The following GOLGA4 variants were observed in gnomAD, a reference collection of about 807,000 sequenced individuals.
GOLGA4 encodes golgin A4, also known as golgin subfamily A member 4.
A neutral mutation model predicts 265.9 loss-of-function variants in GOLGA4; 169 were observed. The observed-to-expected ratio is 0.64, with a 90% CI of 0.56 to 0.72. The LOEUF (loss-of-function observed/expected upper bound fraction) is 0.72, where lower values mean the gene tolerates loss of function less well. GOLGA4 is among the 30% of genes least tolerant of loss of function. The pLI is 0.00. For synonymous variants in GOLGA4, 923 were observed against 855.8 expected, an observed-to-expected ratio of 1.08 and a Z score of -1.37; for missense variants, 2,482 against 2,483.4, an observed-to-expected ratio of 1.00 and a Z score of 0.01.
chr3:37,342,360 T>A (rs1210720378), intron 20 of GOLGA4, among the ~76,000 whole-genome samples: 2 of 151,630 alleles, frequency 1.3e-5, no homozygotes, highest in African/African-American at 4.8e-5. Context: ...AAATAAAGAG[T>A]AAATTGAGCA....
intron 1 of GOLGA4, chr3:37,245,529 T>C (rs1402380323): frequency 6.6e-6 from 1 of 152,198 alleles, no homozygotes; most frequent in African/African-American, 2.4e-5. Context: ...TGCTGGTGAA[T>C]TATTGAGTGT....
chr3:37,261,004 C>CAA (rs11348079), intron 2 of GOLGA4, among the ~76,000 whole-genome samples: 6 of 134,482 alleles, frequency 4.5e-5, no homozygotes, highest in Non-Finnish European at 6.4e-5. Flanking sequence ...CTGTCTCTAC[C>CAA]AAAAAAAAAA....
chr3:37,302,217 G>T lies in GOLGA4; in HGVS notation c.1119G>T (p.Met373Ile), dbSNP rs966603099. The change falls in exon 10 of 24, where the codon ATG (methionine) becomes ATT (isoleucine). Residue 373 changes from methionine to isoleucine, a missense_variant. Physicochemically the swap from Met to Ile is conservative, Grantham distance 10 (BLOSUM62 1). This residue lies in a region of GOLGA4 where 1,536 missense variants were observed against 1,483.7 expected (regional missense o/e 1.04). Transcript: ENST00000361924. ...GMVIAETKRQ[M>I]HETLEMKEEE... The stretch of plus-strand genomic sequence containing the variant: ...TAATCGCAGAGACAAAACGTCAGAT[G>T]CATGAAACCCTGGAAATGAAAGAAG... 1 of 1,613,330 alleles carries T rather than the reference G, an allele frequency of 6.2e-7. No individual in the cohort carries two copies. Among genetic ancestry groups the T allele is most frequent in the Non-Finnish European group, 8.5e-7 (1 of 1,179,354 alleles).
At chr3:37,352,830 A>C (rs2097078844) in intron 21 of GOLGA4, among the ~76,000 whole-genome samples, 1 of 152,068 alleles carries the variant, frequency 6.6e-6, no homozygotes, top group Non-Finnish European at 1.5e-5. Flanking sequence ...ATTTCCTTTC[A>C]AGAACTTGTT....
rs2096885348 is a variant in GOLGA4, at chr3:37,298,863, A to G, written c.845A>G (p.Glu282Gly). The G allele has an allele frequency of 1.2e-6, 2 of 1,609,162 alleles. No homozygotes were observed. The highest frequency in any genetic ancestry group is 1.3e-5 in the African/African-American group (1 of 74,652). ...VEDGTSVKTL[E>G]TLQQRVKRQE... Reference sequence around the variant, plus strand: ...GATGGAACTTCTGTAAAAACACTGGAAACACTCCAGCAAAGAGTGAAGCGT... The same window carrying G: ...GATGGAACTTCTGTAAAAACACTGGGAACACTCCAGCAAAGAGTGAAGCGT... The change falls in exon 8 of 24, where the codon GAA (glutamate) becomes GGA (glycine). Residue 282 changes from glutamate to glycine, a missense_variant. Glu to Gly is a moderately conservative substitution (Grantham distance 98). Transcript: ENST00000361924.
intron 10 of GOLGA4, among the ~76,000 whole-genome samples, chr3:37,305,552 T>G (rs926700108): frequency 4.6e-5 from 7 of 152,208 alleles, no homozygotes; most frequent in African/African-American, 1.7e-4. Context: ...AAAAGGTCAA[T>G]GTAAAGGAAG....
intron 17 of GOLGA4, among the ~76,000 whole-genome samples, chr3:37,336,782 GAGAGAGAA>G (rs2097014597): frequency 1.3e-5 from 2 of 151,028 alleles, no homozygotes; most frequent in South Asian, 4.2e-4. Context: ...GAAAGAGAGA[GAGAGAGAA>G]AGAGAAAGAG....
At chr3:37,347,342 G>C (rs765022220) in intron 21 of GOLGA4, 46 bp downstream of exon 21, 7 of 1,084,210 alleles carry the variant, frequency 6.5e-6, no homozygotes, top group Non-Finnish European at 1.0e-5. Context: ...AATTTTAAAA[G>C]AAATATGTTC....
chr3:37,316,706 G>T lies in GOLGA4; in HGVS notation c.1413+1108G>T, dbSNP rs143132044. ...AAAATCAGAAGATATGAAGTATGTA[G>T]TGAAAAGATTCCCATTTTCCCAAAG... On this transcript the variant is annotated intron_variant, in intron 11 of 23. Transcript: ENST00000361924. Among the ~76,000 whole-genome samples the T allele has an allele frequency of 3.3e-5, 5 of 152,234 alleles. No individual in the cohort carries two copies. In the East Asian group the frequency reaches 9.6e-4, roughly 29 times the overall value.
At chr3:37,343,756 G>A (rs1047407488) in intron 20 of GOLGA4, among the ~76,000 whole-genome samples, 2 of 152,138 alleles carry the variant, frequency 1.3e-5, no homozygotes, top group Non-Finnish European at 2.9e-5. Context: ...AGCAGAGTTA[G>A]GTTTGATTAG....
At chr3:37,361,155 C>T (rs370179028) in intron 22 of GOLGA4, 88 bp from the exon 23 acceptor site, 1 of 1,014,608 alleles carries the variant, frequency 9.9e-7, no homozygotes, top group Non-Finnish European at 1.6e-6. Context: ...GTCTGTAATC[C>T]TATGAACTTC....
At chr3:37,344,250 C>A (rs915079068) in intron 20 of GOLGA4, among the ~76,000 whole-genome samples, 1 of 152,134 alleles carries the variant, frequency 6.6e-6, no homozygotes, top group African/African-American at 2.4e-5. Flanking sequence ...TACAGGCGCA[C>A]ACCATCACAC....
chr3:37,285,840 T>C (rs1055559617), intron 3 of GOLGA4, among the ~76,000 whole-genome samples, 174 bp from the exon 4 acceptor site: 5 of 152,254 alleles, frequency 3.3e-5, no homozygotes, highest in Admixed American at 6.5e-5. Context: ...TACATTTTAT[T>C]TTTTAGAAAT....
At chr3:37,244,716 A>G (rs985181296) in intron 1 of GOLGA4, among the ~76,000 whole-genome samples, 1 of 152,234 alleles carries the variant, frequency 6.6e-6, no homozygotes, top group East Asian at 1.9e-4. Flanking sequence ...TTCTTTTTAA[A>G]TGTAAAGCTC....
At chr3:37,280,425 A>G (rs1156845863) in intron 2 of GOLGA4, among the ~76,000 whole-genome samples, 2 of 152,184 alleles carry the variant, frequency 1.3e-5, no homozygotes, top group African/African-American at 2.4e-5. Flanking sequence ...CCTTCAGGCT[A>G]TCTGTATAAG....
chr3:37,258,085 G>GTA (rs781653755), intron 2 of GOLGA4, among the ~76,000 whole-genome samples: 16 of 127,272 alleles, frequency 1.3e-4, no homozygotes, highest in Non-Finnish European at 1.5e-4. Context: ...ATATATGTGT[G>GTA]TATATATATA....
At chr3:37,296,724 C>T (rs1278402848) in intron 7 of GOLGA4, among the ~76,000 whole-genome samples, 1 of 152,102 alleles carries the variant, frequency 6.6e-6, no homozygotes, top group Non-Finnish European at 1.5e-5. Flanking sequence ...GCACACACCA[C>T]CATGCCCGGC....
intron 1 of GOLGA4, among the ~76,000 whole-genome samples, chr3:37,247,865 T>G (rs2096723690): frequency 6.6e-6 from 1 of 152,182 alleles, no homozygotes; most frequent in Non-Finnish European, 1.5e-5. Flanking sequence ...CACGTGCCCC[T>G]GTAGGCATTT....
At chr3:37,273,436 A>T in intron 2 of GOLGA4, 1 of 654,764 alleles carries the variant, frequency 1.5e-6, no homozygotes, top group South Asian at 1.8e-5. Flanking sequence ...TAATAGATAA[A>T]TGTATCTGAT....
Sources: allele counts gnomAD v4.1 joint callset (sites outside exome capture counted in the v4.1 genomes callset), GRCh38; gene constraint gnomAD v4.1.1; regional missense constraint gnomAD v4.1.1; transcripts MANE v1.5; gene names NCBI Gene and HGNC (gene_info 2026-07-23, HGNC 2026-07-21).